The following FGF10 variants were observed in gnomAD, a reference collection of about 807,000 sequenced individuals.
FGF10 encodes the protein fibroblast growth factor 10.
In FGF10, 2 loss-of-function variants were observed where a neutral mutation model predicts 19.8. That is an observed-to-expected ratio of 0.10 (90% CI 0.04 to 0.32). The LOEUF (loss-of-function observed/expected upper bound fraction) is 0.32, where lower values mean the gene tolerates loss of function less well. FGF10 is among the 10% of genes least tolerant of loss of function. FGF10 has a pLI of 1.00. For missense variants in FGF10, 191 were observed against 246.3 expected, an observed-to-expected ratio of 0.78 and a Z score of 1.50; for synonymous variants, 112 against 94.0, an observed-to-expected ratio of 1.19 and a Z score of -1.10.
chr5:44,329,619 GAAA>G, intron 1 of FGF10, among the ~76,000 whole-genome samples: 1 of 151,756 alleles, frequency 6.6e-6, no homozygotes, highest in South Asian at 2.1e-4. Flanking sequence ...AAATTTAAAT[GAAA>G]AAAAATCACA....
At chr5:44,314,222 A>T (rs2111702234) in intron 1 of FGF10, among the ~76,000 whole-genome samples, 1 of 152,230 alleles carries the variant, frequency 6.6e-6, no homozygotes, top group Non-Finnish European at 1.5e-5. Flanking sequence ...AGTACAAGGA[A>T]CAAGTCAGGA....
chr5:44,346,676 G>A (rs1369493565), intron 1 of FGF10, among the ~76,000 whole-genome samples: 4 of 151,684 alleles, frequency 2.6e-5, no homozygotes, highest in South Asian at 4.1e-4. Flanking sequence ...TCAGTACATC[G>A]CCTCATAAGT....
At chr5:44,369,950 T>C (rs1339418359) in intron 1 of FGF10, among the ~76,000 whole-genome samples, 1 of 152,120 alleles carries the variant, frequency 6.6e-6, no homozygotes, top group Non-Finnish European at 1.5e-5. Flanking sequence ...CTTAATTTAG[T>C]GTTACTCTTA....
At chr5:44,384,776 C>A (rs567630765) in intron 1 of FGF10, among the ~76,000 whole-genome samples, 3 of 152,236 alleles carry the variant, frequency 2.0e-5, no homozygotes, top group African/African-American at 7.2e-5. Context: ...ACTACATACT[C>A]TTTACATATT....
chr5:44,378,500 C>T (rs1323707663), intron 1 of FGF10, among the ~76,000 whole-genome samples: 3 of 152,160 alleles, frequency 2.0e-5, no homozygotes, highest in Non-Finnish European at 4.4e-5. Context: ...GGCACAATCT[C>T]GGCTCAGTGC....
rs1456457163 is a variant in FGF10, at chr5:44,305,111, G to T, written c.511C>A (p.His171Asn). Residue 171 changes from histidine to asparagine, a missense_variant, in exon 3 of 3, where the codon CAT becomes AAT. By Grantham distance (68) the His-to-Asn change is moderately conservative. Coordinates refer to ENST00000264664, the MANE Select transcript of FGF10 (RefSeq NM_004465.2). ...YNTYASFNWQ[H>N]NGRQMYVALN... ...GCCACATACATTTGCCTCCCATTAT[G>T]CTGCCAGTTAAATGATGCATAGGTA... The T allele has an allele frequency of 6.2e-7, 1 of 1,613,814 alleles. No homozygotes were observed. The highest frequency in any genetic ancestry group is 2.2e-5 in the East Asian group (1 of 44,856).
At chr5:44,380,117 T>C (rs1457849159) in intron 1 of FGF10, among the ~76,000 whole-genome samples, 4 of 152,316 alleles carry the variant, frequency 2.6e-5, no homozygotes, top group African/African-American at 9.6e-5. Context: ...ATGAATACCA[T>C]TATAAAGGTA....
rs530901460 is a variant in FGF10, at chr5:44,351,736, A to G, written c.325+36622T>C. On this transcript the variant is annotated intron_variant, in intron 1 of 2. Coordinates refer to ENST00000264664, the MANE Select transcript of FGF10 (RefSeq NM_004465.2). ...TACTACCATTATTAGTTTGAACCCTATGAATTTCCATTCTTGCAGGATAAA... is the reference window on the plus strand; with the variant it reads ...TACTACCATTATTAGTTTGAACCCTGTGAATTTCCATTCTTGCAGGATAAA... Among the ~76,000 whole-genome samples the G allele has an allele frequency of 9.2e-5, 14 of 151,728 alleles. No individual in the cohort carries two copies. The South Asian group carries it at 2.5e-3, about 27-fold the overall frequency.
At chr5:44,357,692 C>G (rs1002333120) in intron 1 of FGF10, among the ~76,000 whole-genome samples, 3 of 151,548 alleles carry the variant, frequency 2.0e-5, no homozygotes, top group Middle Eastern at 3.4e-3. Flanking sequence ...TATTTTGCCT[C>G]TCTTTGTGAG....
intron 1 of FGF10, among the ~76,000 whole-genome samples, chr5:44,337,284 CCA>C (rs1451904677): frequency 3.9e-5 from 6 of 152,008 alleles, no homozygotes; most frequent in African/African-American, 1.2e-4. Flanking sequence ...TAATTGAATT[CCA>C]CAGTCTATTA....
At chr5:44,376,518 C>CAAAAAAAAAAAAAAAAAAAA (rs1265124775) in intron 1 of FGF10, among the ~76,000 whole-genome samples, 3 of 72,694 alleles carry the variant, frequency 4.1e-5, no homozygotes, top group African/African-American at 9.6e-5. Flanking sequence ...AAAAAAAAAA[C>CAAAAAAAAAAAAAAAAAAAA]AAAAAACCCA....
At chr5:44,378,012 A>C (rs1741904554) in intron 1 of FGF10, among the ~76,000 whole-genome samples, 1 of 152,204 alleles carries the variant, frequency 6.6e-6, no homozygotes, top group African/African-American at 2.4e-5. Flanking sequence ...TCATTTTCTT[A>C]CACTTATTCA....
At chr5:44,341,486 C>A (rs1342370527) in intron 1 of FGF10, among the ~76,000 whole-genome samples, 2 of 146,054 alleles carry the variant, frequency 1.4e-5, no homozygotes, top group African/African-American at 5.5e-5. Context: ...AATTCACTGC[C>A]TTGTTATTAA....
chr5:44,379,726 C>A (rs1401065388), intron 1 of FGF10, among the ~76,000 whole-genome samples: 2 of 152,184 alleles, frequency 1.3e-5, no homozygotes, highest in African/African-American at 4.8e-5. Context: ...ATTTCCCTCA[C>A]ACCTTTCTTG....
chr5:44,319,846 C>T (rs550169083), intron 1 of FGF10, among the ~76,000 whole-genome samples: 1 of 152,268 alleles, frequency 6.6e-6, no homozygotes, highest in South Asian at 2.1e-4. Context: ...CAGGGGCCTC[C>T]AACCACTGGG....
intron 1 of FGF10, among the ~76,000 whole-genome samples, chr5:44,365,385 C>CT: frequency 6.6e-6 from 1 of 150,380 alleles, no homozygotes; most frequent in South Asian, 2.1e-4. Context: ...TAAAAAGCTC[C>CT]TTTTTGTTAT....
rs563695471 is a variant in FGF10, at chr5:44,301,573, A to C, written c.*3422T>G. Among the ~76,000 whole-genome samples the C allele has an allele frequency of 6.6e-6, 1 of 152,318 alleles. No homozygotes were observed. Among genetic ancestry groups the C allele is most frequent in the South Asian group, 2.1e-4 (1 of 4,832 alleles). On this transcript the variant is annotated 3_prime_UTR_variant, in exon 3 of 3. Coordinates refer to ENST00000264664, the MANE Select transcript of FGF10 (RefSeq NM_004465.2). The stretch of plus-strand genomic sequence containing the variant: ...AAAGTCTTCCATTGTTTCATAAGCC[A>C]TCCTCGTTTCCAATTCATTTTTCTT...
At chr5:44,341,968 G>A (rs866757776) in intron 1 of FGF10, among the ~76,000 whole-genome samples, 1 of 151,750 alleles carries the variant, frequency 6.6e-6, no homozygotes, top group East Asian at 1.9e-4. Context: ...AATACCATTT[G>A]GTGATGATTG....
chr5:44,372,393 C>A (rs138220603), intron 1 of FGF10, among the ~76,000 whole-genome samples: 2 of 152,208 alleles, frequency 1.3e-5, no homozygotes, highest in Non-Finnish European at 1.5e-5. Flanking sequence ...GTATATGAGG[C>A]CCACTTGAAT....
Sources: gnomAD v4.1 joint callset for allele counts (sites outside exome capture counted in the v4.1 genomes callset) on GRCh38, gnomAD v4.1.1 for gene constraint, MANE v1.5 for transcripts, NCBI Gene and HGNC (gene_info 2026-07-23, HGNC 2026-07-21) for gene names.